Variants in SSC5D observed in about 807,000 individuals in gnomAD.
SSC5D encodes soluble scavenger receptor cysteine-rich domain-containing protein SSC5D.
A neutral mutation model predicts 104.6 loss-of-function variants in SSC5D; 106 were observed. The ratio of observed to expected loss-of-function variants is 1.01; its 90% confidence interval spans 0.87 to 1.19. The LOEUF (loss-of-function observed/expected upper bound fraction) is 1.19, where lower values mean the gene tolerates loss of function less well. Ranked by LOEUF, SSC5D falls within the 50% of genes most tolerant of loss-of-function variation. SSC5D has a pLI of 0.00. For synonymous variants in SSC5D, 860 were observed against 883.5 expected, an observed-to-expected ratio of 0.97 and a Z score of 0.47; for missense variants, 1,993 against 2,153.8, an observed-to-expected ratio of 0.93 and a Z score of 1.48.
At chr19:55,494,359 A>AC (rs1373773446) in intron 7 of SSC5D, among the ~76,000 whole-genome samples, 5 of 151,256 alleles carry the variant, frequency 3.3e-5, no homozygotes, top group Admixed American at 6.6e-5. Flanking sequence ...GCATAAGGTC[A>AC]CCCCCCGCTT....
chr19:55,508,382 T>C (rs1487802779), intron 12 of SSC5D, among the ~76,000 whole-genome samples: 1 of 152,166 alleles, frequency 6.6e-6, no homozygotes, highest in African/African-American at 2.4e-5. Context: ...TGGTAGCTGC[T>C]ATTTTATCGC....
chr19:55,488,642 CGGG>C, intron 1 of SSC5D, 28 bp downstream of exon 1: 1 of 1,546,774 alleles, frequency 6.5e-7, no homozygotes, highest in Non-Finnish European at 8.7e-7. Context: ...CTTGGGGACT[CGGG>C]GGGCCTAGGC....
At position 55,493,882 on chromosome 19, in the gene SSC5D, C is replaced by T; in HGVS notation, c.1183C>T (p.His395Tyr). 6.5e-7 allele frequency: 1 copy of T among 1,547,370 alleles called. No individual in the cohort carries two copies. The highest frequency in any genetic ancestry group is 8.7e-7 in the Non-Finnish European group (1 of 1,146,356). Residue 395 changes from histidine (H) to tyrosine (Y), a missense_variant, in exon 7 of 14, where the codon CAC (histidine) becomes TAC (tyrosine). By Grantham distance (83) the His-to-Tyr change is moderately conservative. Coordinates refer to ENST00000389623, the MANE Select transcript of SSC5D (RefSeq NM_001144950.2). ...ARPWGQHDCH[H>Y]REDAGAVCDG... ...GCCCTGGGGCCAGCATGACTGTCAC[C>T]ACCGCGAGGACGCCGGGGCCGTGTG...
intron 1 of SSC5D, 109 bp from the exon 2 acceptor site, chr19:55,488,897 T>TGTGTGTGG: frequency 8.5e-6 from 1 of 117,194 alleles, no homozygotes; most frequent in South Asian, 6.4e-5. Context: ...TGTGTGTGTG[T>TGTGTGTGG]GTGTGTGTGT....
At chr19:55,504,718 C>T (rs1345790595) in intron 12 of SSC5D, among the ~76,000 whole-genome samples, 3 of 152,154 alleles carry the variant, frequency 2.0e-5, no homozygotes, top group East Asian at 3.9e-4. Context: ...CCAGGCTGGT[C>T]TCAAAGCCGA....
intron 12 of SSC5D, among the ~76,000 whole-genome samples, chr19:55,507,794 A>G (rs1339795775): frequency 6.6e-6 from 1 of 151,510 alleles, no homozygotes; most frequent in Non-Finnish European, 1.5e-5. Context: ...AACAAGGTGG[A>G]TGGGACTAGA....
chr19:55,500,630 T>C lies in SSC5D; in HGVS notation c.2443T>C (p.Cys815Arg). 1.3e-6 allele frequency: 2 copies of C among 1,551,726 alleles called. No individual in the cohort carries two copies. The highest frequency in any genetic ancestry group is 1.7e-6 in the Non-Finnish European group (2 of 1,147,004). ...DATVACWELGCGKVRPRVGKT... is the reference protein window; with the variant it reads ...DATVACWELGRGKVRPRVGKT... ...CACTGTGGCCTGCTGGGAACTGGGCTGTGGAAAGGTCCGGCCTCGAGTAGG... is the reference window on the plus strand; with the variant it reads ...CACTGTGGCCTGCTGGGAACTGGGCCGTGGAAAGGTCCGGCCTCGAGTAGG... Residue 815 changes from cysteine (C) to arginine (R), a missense_variant, in exon 11 of 14, where the codon TGT becomes CGT. Cys to Arg is a radical substitution (Grantham distance 180). Around this residue, in one of 6 missense-constraint regions of SSC5D, gnomAD observed 70 missense variants for 107.1 expected, o/e 0.65. Coordinates refer to ENST00000389623, the MANE Select transcript of SSC5D (RefSeq NM_001144950.2). The surrounding 1 kb of genome is among the most constrained non-coding windows in gnomAD (Gnocchi z 4.6).
intron 12 of SSC5D, among the ~76,000 whole-genome samples, chr19:55,508,399 TC>T (rs1191393871): frequency 1.3e-5 from 2 of 152,160 alleles, no homozygotes; most frequent in Non-Finnish European, 2.9e-5. Flanking sequence ...TCGCGTGCTC[TC>T]CATGGGCCAG....
Position 55,500,172 on chromosome 19 carries a change from G to GC in SSC5D, c.2068dup (p.Gln690ProfsTer22), listed in dbSNP as rs1282307027. 2.3e-5 allele frequency: 36 copies of GC among 1,550,874 alleles called. No homozygotes were observed. Among genetic ancestry groups the GC allele is most frequent in the African/African-American group, 1.1e-4 (8 of 72,760 alleles). On this transcript the variant is annotated frameshift_variant, in exon 10 of 14. Coordinates refer to ENST00000389623, the MANE Select transcript of SSC5D (RefSeq NM_001144950.2). LOFTEE classifies it high-confidence loss of function. The surrounding 1 kb of genome is among the most constrained non-coding windows in gnomAD (Gnocchi z 4.6). ...GTTTACCAGAAGGCCGACCACGGAGGCCCCCCAGAGATGGACCTCTCACAC... is the reference window on the plus strand; with the variant it reads ...GTTTACCAGAAGGCCGACCACGGAGGCCCCCCCAGAGATGGACCTCTCACAC...
At chr19:55,489,306 G>A (rs1359540074) in intron 2 of SSC5D, 48 bp from the exon 3 acceptor site, 2 of 1,417,572 alleles carry the variant, frequency 1.4e-6, no homozygotes, top group Non-Finnish European at 1.8e-6. Context: ...TGGCCTTGGG[G>A]CCCCCAGGAT....
At position 55,518,741 on chromosome 19, in the gene SSC5D, G is replaced by A. The variant is rs975756585; in HGVS notation, c.4465G>A (p.Ala1489Thr). ...AAGGGTCATGGCTTGTGAGCCACCTGCCCTGGTGGAGCTGGTGGCTGCTGT... is the reference window on the plus strand; with the variant it reads ...AAGGGTCATGGCTTGTGAGCCACCTACCCTGGTGGAGCTGGTGGCTGCTGT... ...PVRVMACEPPALVELVAAVRD... is the reference protein window; with the variant it reads ...PVRVMACEPPTLVELVAAVRD... The change falls in exon 14 of 14, where the codon GCC becomes ACC. Residue 1489 changes from alanine (A) to threonine (T), a missense_variant. Coordinates refer to ENST00000389623, the MANE Select transcript of SSC5D (RefSeq NM_001144950.2). 1 of 1,550,948 alleles carries A rather than the reference G, an allele frequency of 6.4e-7. No homozygotes were observed. Among genetic ancestry groups the A allele is most frequent in the Non-Finnish European group, 8.7e-7 (1 of 1,146,904 alleles).
rs1987560436 is a variant in SSC5D, at chr19:55,503,363, C to A, written c.2785+2162C>A. Among the ~76,000 whole-genome samples the A allele has an allele frequency of 6.6e-6, 1 of 152,180 alleles. No homozygotes were observed. Among genetic ancestry groups the A allele is most frequent in the South Asian group, 2.1e-4 (1 of 4,830 alleles). Reference sequence around the variant, plus strand: ...CCTCATACTCTCATCGTCTCCATTTCTCACTGCGTTCTCTCCCCAGGCCCA... The same window carrying A: ...CCTCATACTCTCATCGTCTCCATTTATCACTGCGTTCTCTCCCCAGGCCCA... On this transcript the variant is annotated intron_variant, in intron 12 of 13. Coordinates refer to ENST00000389623, the MANE Select transcript of SSC5D (RefSeq NM_001144950.2). This position sits in a 1 kb window ranked among gnomAD's most constrained non-coding sequence, Gnocchi z 4.0.
rs1599921644 is a variant in SSC5D, at chr19:55,500,876, T to G, written c.2617+72T>G. ...AGAATGGAGTCAGGGTGGGGCCAGGTGACGGCACCATGGTCGACTCTAAAG... is the reference window on the plus strand; with the variant it reads ...AGAATGGAGTCAGGGTGGGGCCAGGGGACGGCACCATGGTCGACTCTAAAG... On this transcript the variant is annotated intron_variant, in intron 11 of 13. Transcript: ENST00000389623. The surrounding 1 kb of genome is among the most constrained non-coding windows in gnomAD (Gnocchi z 4.6). 2 of 1,502,246 alleles carry G rather than the reference T, an allele frequency of 1.3e-6. No individual in the cohort carries two copies. The highest frequency in any genetic ancestry group is 1.8e-6 in the Non-Finnish European group (2 of 1,118,394). The allele number at this position is 1,502,246 out of a possible 1,614,324, so 93.1% of individuals were successfully genotyped here.
chr19:55,495,233 A>ATATATATATATATAT (rs1555765051), intron 8 of SSC5D, among the ~76,000 whole-genome samples: 1 of 50,664 alleles, frequency 2.0e-5, no homozygotes, highest in Admixed American at 3.2e-4. Context: ...ATATATATAT[A>ATATATATATATATAT]TTTTTTTTTT....
Position 55,491,780 on chromosome 19 carries a change from T to TCCTTCCTC in SSC5D, c.895+704_895+711dup, listed in dbSNP as rs1452416693. 4 of 152,618 alleles carry TCCTTCCTC rather than the reference T, an allele frequency of 2.6e-5. No individual in the cohort carries two copies. In the East Asian group the frequency reaches 7.7e-4, roughly 29 times the overall value. 9.5% of individuals were successfully genotyped at this position (152,618 alleles called of 1,614,324 possible). On this transcript the variant is annotated intron_variant, in intron 6 of 13. Transcript: ENST00000389623. ...CTCCCTCCCTCCTTCTCTCCTTCCT[T>TCCTTCCTC]CCTTCCTCCCTCTTTCCCTTTCTCT...
intron 2 of SSC5D, 68 bp downstream of exon 2, chr19:55,489,100 C>T (rs1330357390): frequency 2.0e-6 from 2 of 982,024 alleles, no homozygotes; most frequent in Non-Finnish European, 2.8e-6. Flanking sequence ...CCCATCCAGG[C>T]CTGGCCTCAC....
At position 55,494,747 on chromosome 19, in the gene SSC5D, T is replaced by TC. The variant is rs1987263721; in HGVS notation, c.1355dup (p.Thr453TyrfsTer33). 1 of 1,548,252 alleles carries TC rather than the reference T, an allele frequency of 6.5e-7. No homozygotes were observed. The highest frequency in any genetic ancestry group is 2.5e-5 in the East Asian group (1 of 40,696). On this transcript the variant is annotated frameshift_variant, in exon 8 of 14. Transcript: ENST00000389623. LOFTEE classifies it high-confidence loss of function. ...GGCAGGCGTTTCACCTCCTCCAGCC[T>TC]CCCCTACTGTCCTTTGGGAGCCTGG...
chr19:55,504,233 C>G, intron 12 of SSC5D: 1 of 1,527,434 alleles, frequency 6.5e-7, no homozygotes, highest in Non-Finnish European at 8.8e-7. Context: ...CCGGGCACAG[C>G]GGCTGCGGAG....
intron 12 of SSC5D, among the ~76,000 whole-genome samples, chr19:55,502,314 T>G (rs533878738): frequency 4.9e-4 from 74 of 152,318 alleles, no homozygotes; most frequent in African/African-American, 1.8e-3. Context: ...TGCCGTATTT[T>G]TTTCATGGTA....
Sources: allele counts gnomAD v4.1 joint callset (sites outside exome capture counted in the v4.1 genomes callset), GRCh38; gene constraint gnomAD v4.1.1; regional missense constraint gnomAD v4.1.1; non-coding constraint Gnocchi (gnomAD v3.1); transcripts MANE v1.5; gene names NCBI Gene and HGNC (gene_info 2026-07-23, HGNC 2026-07-21).